The following JAZF1 variants were observed in gnomAD, a reference collection of about 807,000 sequenced individuals.
The protein encoded by JAZF1 is juxtaposed with another zinc finger protein 1.
JAZF1 carries 8 observed loss-of-function variants against 26.4 expected under a neutral mutation model. The observed-to-expected ratio is 0.30, with a 90% CI of 0.18 to 0.55. The LOEUF (loss-of-function observed/expected upper bound fraction) is 0.55. Among genes scored for constraint, JAZF1 ranks in the 20% least tolerant of loss-of-function variants. The pLI, the probability that JAZF1 is intolerant of heterozygous loss-of-function variation, is 0.94. For missense variants in JAZF1, 199 were observed against 322.0 expected (o/e 0.62, Z 2.92); for synonymous variants, 126 against 122.3 (o/e 1.03, Z -0.20).
chr7:28,060,238 T>C (rs1783777868), intron 1 of JAZF1, among the ~76,000 whole-genome samples: 1 of 152,246 alleles, frequency 6.6e-6, no homozygotes, highest in South Asian at 2.1e-4. Flanking sequence ...TTTTCAATCT[T>C]CTCTTCCATT....
chr7:28,041,260 T>C (rs1783385399), intron 1 of JAZF1, among the ~76,000 whole-genome samples: 1 of 152,156 alleles, frequency 6.6e-6, no homozygotes, highest in Non-Finnish European at 1.5e-5. Flanking sequence ...CGAGTGTGTA[T>C]GATTTGATAT....
intron 1 of JAZF1, among the ~76,000 whole-genome samples, chr7:28,127,871 G>A (rs1477253478): frequency 2.6e-5 from 4 of 152,122 alleles, no homozygotes; most frequent in African/African-American, 7.2e-5. Flanking sequence ...TCACTATCAT[G>A]AGAACAGCAG....
intron 1 of JAZF1, among the ~76,000 whole-genome samples, chr7:28,057,323 C>T (rs985025219): frequency 2.0e-5 from 3 of 152,182 alleles, no homozygotes; most frequent in Non-Finnish European, 4.4e-5. Flanking sequence ...CTATTTTAAA[C>T]TCTACTTTTG....
chr7:28,002,749 C>T lies in JAZF1; in HGVS notation c.116-10768G>A, dbSNP rs528709750. On this transcript the variant is annotated intron_variant, in intron 1 of 4. Transcript: ENST00000283928. ...CTGCTGCCCAAGAGCTATTTTCCCC[C>T]CTTTCCCTCCATAATGCTTAGAAAC... 2.8e-4 allele frequency among the ~76,000 whole-genome samples: 43 copies of T among 152,252 alleles called. 1 individual carries two copies. Among genetic ancestry groups the T allele is most frequent in the Non-Finnish European group, 5.6e-4 (38 of 68,010 alleles).
At chr7:28,042,770 G>C (rs1163304618) in intron 1 of JAZF1, among the ~76,000 whole-genome samples, 1 of 152,114 alleles carries the variant, frequency 6.6e-6, no homozygotes, top group Non-Finnish European at 1.5e-5. Flanking sequence ...ACAGTATTCA[G>C]TACAGTAACA....
At chr7:28,055,573 C>T (rs1348505416) in intron 1 of JAZF1, among the ~76,000 whole-genome samples, 2 of 152,158 alleles carry the variant, frequency 1.3e-5, no homozygotes, top group African/African-American at 2.4e-5. Flanking sequence ...CTAATAGTAA[C>T]AGCAAGAGAT....
At chr7:28,179,421 C>T (rs903246638) in intron 1 of JAZF1, among the ~76,000 whole-genome samples, 2 of 152,176 alleles carry the variant, frequency 1.3e-5, no homozygotes, top group South Asian at 2.1e-4. Context: ...GCGGGGCGCC[C>T]CCTCCCCGGC....
chr7:27,840,974 C>T lies in JAZF1; in HGVS notation c.386-107G>A, dbSNP rs779707225. On this transcript the variant is annotated intron_variant, in intron 3 of 4. Coordinates refer to ENST00000283928, the MANE Select transcript of JAZF1 (RefSeq NM_175061.4). The surrounding 1 kb of genome is among the most constrained non-coding windows in gnomAD (Gnocchi z 5.1). The stretch of plus-strand genomic sequence containing the variant: ...TGTGGCCGTGGCAGAGCAGCGCTGA[C>T]GGCCCAGGGAGAGGGCACTCCCGGC... The T allele has an allele frequency of 5.8e-5, 70 of 1,200,270 alleles. No individual in the cohort carries two copies. The highest frequency in any genetic ancestry group is 1.6e-4 in the East Asian group (7 of 42,446). The allele number at this position is 1,200,270 out of a possible 1,614,324, so 74.4% of individuals were successfully genotyped here. A position where few individuals can be genotyped will look rare whatever the true frequency, so the allele number is the denominator to read the frequency against.
intron 1 of JAZF1, among the ~76,000 whole-genome samples, chr7:28,162,115 C>G (rs1479036711): frequency 6.6e-6 from 1 of 152,190 alleles, no homozygotes; most frequent in Non-Finnish European, 1.5e-5. Context: ...AAGTTCTTAA[C>G]AGCAGGCTCA....
chr7:27,984,223 A>C (rs911024396), intron 2 of JAZF1, among the ~76,000 whole-genome samples: 2 of 152,248 alleles, frequency 1.3e-5, no homozygotes, highest in Non-Finnish European at 2.9e-5. Context: ...GTGCAGAGAC[A>C]CACATAGGCT....
intron 2 of JAZF1, among the ~76,000 whole-genome samples, chr7:27,959,252 A>G (rs1785150259): frequency 6.6e-6 from 1 of 152,148 alleles, no homozygotes; most frequent in Non-Finnish European, 1.5e-5. Context: ...AATCTCAGGA[A>G]ATACTTCTAG....
chr7:27,986,273 T>C (rs1785704208), intron 2 of JAZF1, among the ~76,000 whole-genome samples: 1 of 152,196 alleles, frequency 6.6e-6, no homozygotes, highest in South Asian at 2.1e-4. Flanking sequence ...AGTCTCAGGA[T>C]ACAAAATCAA....
At chr7:27,905,180 T>C (rs1784231273) in intron 2 of JAZF1, among the ~76,000 whole-genome samples, 2 of 152,146 alleles carry the variant, frequency 1.3e-5, no homozygotes, top group African/African-American at 4.8e-5. Context: ...CCCAGGCTTG[T>C]CTCTATCTCC....
intron 2 of JAZF1, among the ~76,000 whole-genome samples, chr7:27,903,236 G>A (rs1316136161): frequency 6.6e-6 from 1 of 151,776 alleles, no homozygotes; most frequent in African/African-American, 2.4e-5. Flanking sequence ...TTATTTTTTG[G>A]CTCACTCTGT....
chr7:28,180,617 G>T lies in JAZF1; in HGVS notation c.-40C>A. Reference sequence around the variant, plus strand: ...AGCCCCCCTGGTGTCGGCTCTGCGAGCGCCGGGCGGGCGAGGGAGGGAGGG... The same window carrying T: ...AGCCCCCCTGGTGTCGGCTCTGCGATCGCCGGGCGGGCGAGGGAGGGAGGG... On this transcript the variant is annotated 5_prime_UTR_variant, in exon 1 of 5. Transcript: ENST00000283928. 6.4e-7 allele frequency: 1 copy of T among 1,552,324 alleles called. No homozygotes were observed. Among genetic ancestry groups the T allele is most frequent in the Non-Finnish European group, 8.8e-7 (1 of 1,133,802 alleles).
intron 2 of JAZF1, among the ~76,000 whole-genome samples, chr7:27,956,914 T>A (rs1335416043): frequency 2.0e-5 from 3 of 152,272 alleles, no homozygotes; most frequent in Admixed American, 2.0e-4. Context: ...AGTCTATTTA[T>A]GTGAGATCAC....
rs142633875 is a variant in JAZF1, at chr7:27,883,852, G to A, written c.385+11368C>T. Among the ~76,000 whole-genome samples, 999 of 152,176 alleles carry A rather than the reference G, an allele frequency of 6.6e-3. 7 individuals carry two copies. The highest frequency in any genetic ancestry group is 0.011 in the South Asian group (51 of 4,818). ...TCCTTCTCTCTACTTAATATGTCCCGTAACTGGTTTATTTGTCCATGTTAC... is the reference window on the plus strand; with the variant it reads ...TCCTTCTCTCTACTTAATATGTCCCATAACTGGTTTATTTGTCCATGTTAC... On this transcript the variant is annotated intron_variant, in intron 3 of 4. Transcript: ENST00000283928.
chr7:28,079,734 C>T (rs1415606099), intron 1 of JAZF1, among the ~76,000 whole-genome samples: 2 of 152,172 alleles, frequency 1.3e-5, no homozygotes, highest in African/African-American at 4.8e-5. Flanking sequence ...TGTAGTAGGC[C>T]ATGTTTCAAA....
intron 2 of JAZF1, among the ~76,000 whole-genome samples, chr7:27,930,231 A>G (rs1410669954): frequency 2.6e-5 from 4 of 152,064 alleles, no homozygotes; most frequent in Non-Finnish European, 5.9e-5. Context: ...TCCTGACCTC[A>G]TGATCCGCCC....
Sources: allele counts gnomAD v4.1 joint callset (sites outside exome capture counted in the v4.1 genomes callset), GRCh38; gene constraint gnomAD v4.1.1; non-coding constraint Gnocchi (gnomAD v3.1); transcripts MANE v1.5; gene names NCBI Gene and HGNC (gene_info 2026-07-23, HGNC 2026-07-21).